MYO18B: variants seen among roughly 807,000 people sequenced by gnomAD.
The protein encoded by MYO18B is myosin XVIIIB, also known as unconventional myosin-XVIIIb.
A neutral mutation model predicts 273.0 loss-of-function variants in MYO18B; 204 were observed. That is an observed-to-expected ratio of 0.75 (90% CI 0.67 to 0.84). The LOEUF (loss-of-function observed/expected upper bound fraction) is 0.84, where lower values mean the gene tolerates loss of function less well. Among genes scored for constraint, MYO18B ranks in the 40% least tolerant of loss-of-function variants. The pLI, the probability that MYO18B is intolerant of heterozygous loss-of-function variation, is 0.00. For missense variants in MYO18B, 3,212 were observed against 3,287.6 expected (o/e 0.98, Z 0.56); for synonymous variants, 1,330 against 1,305.7 (o/e 1.02, Z -0.40).
At chr22:25,753,239 G>C (rs1194032114) in intron 1 of MYO18B, among the ~76,000 whole-genome samples, 2 of 151,922 alleles carry the variant, frequency 1.3e-5, no homozygotes, top group East Asian at 3.9e-4. Context: ...GGGCGGGTGT[G>C]GGGGGGGCGG....
chr22:25,771,096 A>G (rs2086703808), intron 6 of MYO18B, 112 bp downstream of exon 6: 7 of 800,750 alleles, frequency 8.7e-6, no homozygotes, highest in African/African-American at 5.1e-5. Context: ...CTGACTACCA[A>G]TACCATTTTG....
chr22:25,859,500 A>G (rs1180256538), intron 21 of MYO18B, among the ~76,000 whole-genome samples: 1 of 152,168 alleles, frequency 6.6e-6, no homozygotes, highest in East Asian at 1.9e-4. Flanking sequence ...CTCACTGGCA[A>G]TGTGTGAGGG....
Position 25,993,579 on chromosome 22 carries a change from T to C in MYO18B, c.6287+1086T>C, listed in dbSNP as rs563008617. Among the ~76,000 whole-genome samples, 11 of 152,292 alleles carry C rather than the reference T, an allele frequency of 7.2e-5. No homozygotes were observed. The South Asian group carries it at 2.3e-3, about 32-fold the overall frequency. On this transcript the variant is annotated intron_variant, in intron 40 of 43. Transcript: ENST00000335473. ...CCTCTTTGTTTCCATATGAGGACCC[T>C]GACTTTAGAGAAGTTCAAGGTCACA...
At chr22:25,796,921 A>C (rs562969622) in intron 11 of MYO18B, among the ~76,000 whole-genome samples, 49 of 152,170 alleles carry the variant, frequency 3.2e-4, no homozygotes, top group Admixed American at 6.5e-4. Context: ...TCTCTATCTG[A>C]CCCACCTCCA....
chr22:25,880,713 G>A (rs748157991), intron 25 of MYO18B, among the ~76,000 whole-genome samples: 1 of 152,356 alleles, frequency 6.6e-6, no homozygotes, highest in African/African-American at 2.4e-5. Flanking sequence ...TCTCCAGGCC[G>A]ATAGAGGGAG....
At chr22:25,941,917 G>A (rs1332164724) in intron 34 of MYO18B, among the ~76,000 whole-genome samples, 1 of 152,196 alleles carries the variant, frequency 6.6e-6, no homozygotes, top group Non-Finnish European at 1.5e-5. Context: ...TCCTGACTGT[G>A]TAAACTTGGC....
chr22:25,784,159 C>T (rs968951588), intron 10 of MYO18B, among the ~76,000 whole-genome samples: 1 of 152,182 alleles, frequency 6.6e-6, no homozygotes, highest in Non-Finnish European at 1.5e-5. Flanking sequence ...AACCTGCCAG[C>T]GCAGTCTCCC....
intron 4 of MYO18B, 100 bp downstream of exon 4, chr22:25,769,528 CG>C (rs2086639535): frequency 8.7e-6 from 7 of 801,170 alleles, no homozygotes; most frequent in Non-Finnish European, 1.1e-5. Context: ...AAGGGGTGGA[CG>C]GGGGGTGGGC....
In MYO18B at chr22:25,761,025, C is replaced by T. The variant is rs2086294800; in HGVS notation, c.-68C>T. 3.9e-6 allele frequency: 6 copies of T among 1,558,318 alleles called. No homozygotes were observed. Among genetic ancestry groups the T allele is most frequent in the Admixed American group, 1.7e-5 (1 of 59,944 alleles). On this transcript the variant is annotated 5_prime_UTR_variant, in exon 2 of 44. Coordinates refer to ENST00000335473, the MANE Select transcript of MYO18B (RefSeq NM_032608.7). ...TGTGCTGCGTGTGTCTGTAAAGCCTCATTCCGTGCTGTCTGGCAGGAAGCT... is the reference window on the plus strand; with the variant it reads ...TGTGCTGCGTGTGTCTGTAAAGCCTTATTCCGTGCTGTCTGGCAGGAAGCT...
the MYO18B span, among the ~76,000 whole-genome samples, chr22:26,060,985 C>T: frequency 6.7e-6 from 1 of 149,996 alleles, no homozygotes; most frequent in Admixed American, 6.7e-5. Flanking sequence ...CATATACACA[C>T]ATACCACATA....
Position 26,026,321 on chromosome 22 carries a change from C to A in MYO18B, c.6471-124C>A, listed in dbSNP as rs7285311. The A allele has an allele frequency of 2.5e-5, 27 of 1,097,056 alleles. No individual in the cohort carries two copies. The South Asian group carries it at 3.6e-4, about 15-fold the overall frequency. 68.0% of individuals were successfully genotyped at this position (1,097,056 alleles called of 1,614,324 possible). A position where few individuals can be genotyped will look rare whatever the true frequency, so the allele number is the denominator to read the frequency against. ...AAATCATATGGTTCATTTGAGAGTGCGGTAGGGATGGTATTTCCAAAGAAA... is the reference window on the plus strand; with the variant it reads ...AAATCATATGGTTCATTTGAGAGTGAGGTAGGGATGGTATTTCCAAAGAAA... On this transcript the variant is annotated intron_variant, in intron 42 of 43. Transcript: ENST00000335473.
At chr22:25,853,538 G>A (rs1044073269) in intron 21 of MYO18B, among the ~76,000 whole-genome samples, 55 of 152,290 alleles carry the variant, frequency 3.6e-4, no homozygotes, top group Middle Eastern at 3.4e-3. Flanking sequence ...AGCAGTCTTC[G>A]TTCATGGGGT....
At chr22:25,809,464 AGTTT>A (rs1344750110) in intron 12 of MYO18B, among the ~76,000 whole-genome samples, 4 of 152,134 alleles carry the variant, frequency 2.6e-5, no homozygotes, top group African/African-American at 9.7e-5. Flanking sequence ...TGGGTTATTT[AGTTT>A]ATTTGTCTCT....
chr22:25,955,533 C>T (rs1333545452), intron 39 of MYO18B, among the ~76,000 whole-genome samples, 169 bp downstream of exon 39: 1 of 152,162 alleles, frequency 6.6e-6, no homozygotes, highest in Non-Finnish European at 1.5e-5. Flanking sequence ...GAGACAACAC[C>T]GTCATTGGCT....
intron 40 of MYO18B, among the ~76,000 whole-genome samples, chr22:25,992,954 A>G (rs1245978928): frequency 6.6e-6 from 1 of 152,230 alleles, no homozygotes; most frequent in Non-Finnish European, 1.5e-5. Context: ...ACAGATGAAC[A>G]TGACAGATAT....
intron 39 of MYO18B, among the ~76,000 whole-genome samples, chr22:25,982,970 A>G (rs1156667253): frequency 1.3e-5 from 2 of 152,218 alleles, no homozygotes; most frequent in Non-Finnish European, 2.9e-5. Context: ...AAATGATATT[A>G]GATATTTCAA....
At chr22:25,898,147 GA>G (rs1310661177) in intron 28 of MYO18B, 159 bp from the exon 29 acceptor site, 1 of 685,738 alleles carries the variant, frequency 1.5e-6, no homozygotes, top group Non-Finnish European at 2.3e-6. Context: ...TAGCTTCCTG[GA>G]GGTGACCCTG....
At chr22:26,021,065 G>A (rs1935774655) in intron 42 of MYO18B, among the ~76,000 whole-genome samples, 1 of 152,174 alleles carries the variant, frequency 6.6e-6, no homozygotes, top group Non-Finnish European at 1.5e-5. Flanking sequence ...CTCCAGCCTG[G>A]GTGATAGAGC....
intron 39 of MYO18B, among the ~76,000 whole-genome samples, chr22:25,961,392 A>G (rs969552060): frequency 3.3e-5 from 5 of 152,134 alleles, no homozygotes; most frequent in Admixed American, 1.3e-4. Flanking sequence ...TACCTGTTCT[A>G]CTTAAGCATA....
Sources: gnomAD v4.1 joint callset for allele counts (sites outside exome capture counted in the v4.1 genomes callset) on GRCh38, gnomAD v4.1.1 for gene constraint, MANE v1.5 for transcripts, NCBI Gene and HGNC (gene_info 2026-07-23, HGNC 2026-07-21) for gene names.